The following COL4A6 variants were observed in gnomAD, a reference collection of about 807,000 sequenced individuals.
COL4A6 encodes the protein collagen alpha-6(IV) chain.
Under a neutral mutation model 126.7 loss-of-function variants are expected in COL4A6, and 59 were observed. The observed-to-expected ratio is 0.47, with a 90% confidence interval of 0.38 to 0.58. The LOEUF is 0.58. Among genes scored for constraint, COL4A6 ranks in the 20% least tolerant of loss-of-function variants. COL4A6 has a pLI of 0.00. For missense variants in COL4A6, 1,285 were observed against 1,337.3 expected (o/e 0.96, Z 0.61); for synonymous variants, 547 against 496.6 (o/e 1.10, Z -1.35).
At chrX:108,294,410 TTTTG>T (rs1382635299) in intron 3 of COL4A6, among the ~76,000 whole-genome samples, 2 of 86,652 alleles carry the variant, frequency 2.3e-5, no homozygotes, top group East Asian at 9.6e-4. Context: ...TTTTTTTTTT[TTTTG>T]GTGTGTGTGT....
chrX:108,318,401 T>G (rs1294222845), intron 2 of COL4A6, among the ~76,000 whole-genome samples: 9 of 111,114 alleles, frequency 8.1e-5, no homozygotes, highest in African/African-American at 2.0e-4. Context: ...AGGAAATAAA[T>G]GGTATTCAAT....
chrX:108,432,386 T>C (rs1427314713), intron 2 of COL4A6, among the ~76,000 whole-genome samples: 2 of 112,798 alleles, frequency 1.8e-5, no homozygotes, highest in Non-Finnish European at 3.7e-5. Flanking sequence ...CTTTTAAAAA[T>C]GTAAGTAAAT....
intron 2 of COL4A6, among the ~76,000 whole-genome samples, chrX:108,340,073 T>A (rs181251468): frequency 3.6e-5 from 4 of 111,665 alleles, no homozygotes; most frequent in Non-Finnish European, 7.5e-5. Context: ...AATGCAGTAT[T>A]TTCACATTCA....
At chrX:108,293,460 C>T (rs1011411894) in intron 3 of COL4A6, among the ~76,000 whole-genome samples, 10 of 111,489 alleles carry the variant, frequency 9.0e-5, no homozygotes, top group South Asian at 3.8e-4. Context: ...GCCCACCCTG[C>T]CCATGCTTAG....
intron 3 of COL4A6, among the ~76,000 whole-genome samples, chrX:108,248,331 C>T (rs750965707): frequency 9.0e-6 from 1 of 110,871 alleles, no homozygotes; most frequent in African/African-American, 3.3e-5. Flanking sequence ...ATAAATATTC[C>T]TTTGCACTTC....
At chrX:108,230,108 TG>T (rs2036267179) in intron 3 of COL4A6, among the ~76,000 whole-genome samples, 1 of 111,442 alleles carries the variant, frequency 9.0e-6, no homozygotes, top group Non-Finnish European at 1.9e-5. Context: ...AATTCACCTT[TG>T]GACAGGTGGA....
chrX:108,387,921 G>A lies in COL4A6; in HGVS notation c.63+50021C>T, dbSNP rs373670235. 1.1e-4 allele frequency among the ~76,000 whole-genome samples: 12 copies of A among 111,617 alleles called. No individual in the cohort carries two copies. In the East Asian group the frequency reaches 1.7e-3, roughly 16 times the overall value. ...ACTTAGTTCATTGAGAGTTTTTAGCGTGAAGGGCTGTTGAATTTTGTTGAA... is the reference window on the plus strand; with the variant it reads ...ACTTAGTTCATTGAGAGTTTTTAGCATGAAGGGCTGTTGAATTTTGTTGAA... On this transcript the variant is annotated intron_variant, in intron 2 of 44. Transcript: ENST00000334504.
intron 35 of COL4A6, 98 bp downstream of exon 35, chrX:108,170,511 A>G: frequency 1.4e-6 from 1 of 696,845 alleles, no homozygotes; most frequent in East Asian, 3.2e-5. Context: ...TCCTGTAGGC[A>G]TGGCTTAACC....
At chrX:108,307,319 T>C (rs944823036) in intron 3 of COL4A6, among the ~76,000 whole-genome samples, 1 of 112,011 alleles carries the variant, frequency 8.9e-6, no homozygotes, top group African/African-American at 3.3e-5. Context: ...GCTGGTGACC[T>C]TGCGCAAGTC....
chrX:108,334,163 T>C (rs2147983277), intron 2 of COL4A6, among the ~76,000 whole-genome samples: 1 of 112,023 alleles, frequency 8.9e-6, no homozygotes, highest in South Asian at 3.7e-4. Context: ...CGAAGTCTCC[T>C]GATTTAAATG....
chrX:108,195,730 T>A (rs960927849), intron 14 of COL4A6, among the ~76,000 whole-genome samples: 1 of 111,873 alleles, frequency 8.9e-6, no homozygotes, highest in African/African-American at 3.2e-5. Context: ...AGTCAGGAGA[T>A]CTTTAAATAG....
At chrX:108,270,821 T>C (rs1048017627) in intron 3 of COL4A6, among the ~76,000 whole-genome samples, 1 of 111,647 alleles carries the variant, frequency 9.0e-6, no homozygotes, top group African/African-American at 3.3e-5. Context: ...TAGGTCATAT[T>C]TGGTTCCTGT....
chrX:108,280,479 C>T (rs1181054420), intron 3 of COL4A6, among the ~76,000 whole-genome samples: 1 of 111,621 alleles, frequency 9.0e-6, no homozygotes, highest in East Asian at 2.8e-4. Flanking sequence ...CAATAACAGG[C>T]TCTGAAATTG....
chrX:108,392,371 G>A (rs2040857032), intron 2 of COL4A6, among the ~76,000 whole-genome samples: 1 of 109,566 alleles, frequency 9.1e-6, no homozygotes, highest in Admixed American at 9.7e-5. Context: ...ATCTGATAAG[G>A]AGCGTGTAAT....
chrX:108,245,294 T>A (rs1438045578), intron 3 of COL4A6, among the ~76,000 whole-genome samples: 2 of 112,052 alleles, frequency 1.8e-5, no homozygotes, highest in East Asian at 5.7e-4. Flanking sequence ...CTCACTGCTG[T>A]GAGATATTTT....
At chrX:108,257,991 G>A (rs887835084) in intron 3 of COL4A6, among the ~76,000 whole-genome samples, 2 of 111,794 alleles carry the variant, frequency 1.8e-5, no homozygotes, top group African/African-American at 3.2e-5. Context: ...GATCGAGAAA[G>A]AAGAATGTTT....
intron 2 of COL4A6, among the ~76,000 whole-genome samples, chrX:108,355,288 T>G (rs1325136174): frequency 4.5e-5 from 5 of 112,152 alleles, no homozygotes; most frequent in African/African-American, 1.6e-4. Context: ...CCACCTAAAC[T>G]ATCAAAAATG....
At chrX:108,375,633 C>T (rs762987977) in intron 2 of COL4A6, among the ~76,000 whole-genome samples, 2 of 110,499 alleles carry the variant, frequency 1.8e-5, no homozygotes, top group Non-Finnish European at 3.8e-5. Context: ...GAGCCATTTG[C>T]CTCCCAGCTG....
chrX:108,340,925 T>C (rs1347367701), intron 2 of COL4A6, among the ~76,000 whole-genome samples: 3 of 110,062 alleles, frequency 2.7e-5, no homozygotes, highest in Admixed American at 1.9e-4. Flanking sequence ...AAGGAAAAAA[T>C]GCTTTAGAAG....
Sources: allele counts gnomAD v4.1 joint callset (sites outside exome capture counted in the v4.1 genomes callset), GRCh38; gene constraint gnomAD v4.1.1; transcripts MANE v1.5; gene names NCBI Gene and HGNC (gene_info 2026-07-23, HGNC 2026-07-21).